Variants in RAB2A observed in about 807,000 individuals in gnomAD.
The protein encoded by RAB2A is ras-related protein Rab-2A.
RAB2A carries 7 observed loss-of-function variants against 32.5 expected under a neutral mutation model. The observed-to-expected ratio is 0.22, with a 90% CI of 0.12 to 0.40. RAB2A has a LOEUF of 0.40. RAB2A is among the 10% of genes least tolerant of loss of function. The probability of loss-of-function intolerance (pLI) is 1.00; values close to 1 mark genes in which losing one functional copy is unlikely to be tolerated. For synonymous variants in RAB2A, 79 were observed against 85.2 expected (o/e 0.93, Z 0.40); for missense variants, 108 against 260.7 (o/e 0.41, Z 4.03).
chr8:60,575,197 C>G (rs1808254097), intron 3 of RAB2A, among the ~76,000 whole-genome samples: 1 of 150,700 alleles, frequency 6.6e-6, no homozygotes, highest in African/African-American at 2.5e-5. Context: ...CGCCTGGCCT[C>G]AAGCAATCCT....
At chr8:60,536,549 A>G (rs1326793781) in intron 1 of RAB2A, among the ~76,000 whole-genome samples, 1 of 152,236 alleles carries the variant, frequency 6.6e-6, no homozygotes, top group Admixed American at 6.5e-5. Flanking sequence ...AAGGATTAGT[A>G]AAATGGTCAG....
chr8:60,517,374 C>T (rs993406125), intron 1 of RAB2A, 121 bp downstream of exon 1: 20 of 965,488 alleles, frequency 2.1e-5, no homozygotes, highest in Non-Finnish European at 2.8e-5. Flanking sequence ...CCTGGCCGCG[C>T]CGCTCCATTT....
chr8:60,543,914 T>G (rs1043072413), intron 1 of RAB2A, among the ~76,000 whole-genome samples: 1 of 151,482 alleles, frequency 6.6e-6, no homozygotes, highest in South Asian at 2.1e-4. Context: ...ATACGAAAAT[T>G]AGCCAGTCAT....
chr8:60,603,934 TAGAC>T lies in RAB2A; in HGVS notation c.474+11973_474+11976del, dbSNP rs540196911. Among the ~76,000 whole-genome samples, 448 of 152,256 alleles carry T rather than the reference TAGAC, an allele frequency of 2.9e-3. 1 individual carries two copies. The highest frequency in any genetic ancestry group is 3.7e-3 in the Non-Finnish European group (255 of 68,010). ...AGAAAGAAAATAGATGCTTGATTGATAGACAGACAGATAGGGTTTGGATCTGTGT... is the reference window on the plus strand; with the variant it reads ...AGAAAGAAAATAGATGCTTGATTGATAGACAGATAGGGTTTGGATCTGTGT... On this transcript the variant is annotated intron_variant, in intron 6 of 7. Transcript: ENST00000262646.
chr8:60,550,948 G>A (rs1187749132), intron 1 of RAB2A, among the ~76,000 whole-genome samples: 1 of 152,086 alleles, frequency 6.6e-6, no homozygotes, highest in Non-Finnish European at 1.5e-5. Flanking sequence ...TCTCTAAAAT[G>A]TGCCACCTTA....
At chr8:60,562,228 A>G (rs1227829723) in intron 2 of RAB2A, among the ~76,000 whole-genome samples, 1 of 152,216 alleles carries the variant, frequency 6.6e-6, no homozygotes, top group Admixed American at 6.5e-5. Flanking sequence ...ACAGGAAAGG[A>G]ACAAGTACTG....
At chr8:60,542,324 G>A (rs1053610720) in intron 1 of RAB2A, among the ~76,000 whole-genome samples, 2 of 152,130 alleles carry the variant, frequency 1.3e-5, no homozygotes, top group Non-Finnish European at 2.9e-5. Context: ...GACCATTGTG[G>A]CTAACACGGT....
At chr8:60,548,545 C>T (rs1489154649) in intron 1 of RAB2A, among the ~76,000 whole-genome samples, 3 of 119,040 alleles carry the variant, frequency 2.5e-5, no homozygotes, top group African/African-American at 1.1e-4. Context: ...CCGGACGGGG[C>T]GGCTGGCCGG....
chr8:60,569,713 A>G (rs755723301), intron 2 of RAB2A, among the ~76,000 whole-genome samples: 16 of 152,022 alleles, frequency 1.1e-4, no homozygotes, highest in Admixed American at 2.0e-4. Flanking sequence ...GGGTCTCCCT[A>G]CGTTGTCCAG....
intron 1 of RAB2A, among the ~76,000 whole-genome samples, chr8:60,549,696 G>A (rs981969447): frequency 6.6e-6 from 1 of 151,900 alleles, no homozygotes; most frequent in African/African-American, 2.4e-5. Context: ...TTTCAAATTG[G>A]GTTTTTATCA....
intron 6 of RAB2A, among the ~76,000 whole-genome samples, chr8:60,606,782 A>G (rs566433357): frequency 2.0e-5 from 3 of 152,364 alleles, no homozygotes; most frequent in South Asian, 2.1e-4. Context: ...AGCTGCAGCT[A>G]GAGCTGGAGT....
intron 2 of RAB2A, among the ~76,000 whole-genome samples, chr8:60,566,654 A>C (rs551548080): frequency 6.6e-6 from 1 of 152,154 alleles, no homozygotes; most frequent in Non-Finnish European, 1.5e-5. Context: ...CATGTTTGTT[A>C]CATGAGTATA....
chr8:60,520,296 A>T (rs938689735), intron 1 of RAB2A, among the ~76,000 whole-genome samples: 1 of 152,214 alleles, frequency 6.6e-6, no homozygotes, highest in Non-Finnish European at 1.5e-5. Flanking sequence ...TGTAGCTTTA[A>T]ATTTTTTCCT....
At position 60,611,194 on chromosome 8, in the gene RAB2A, C is replaced by T. The variant is rs138548192; in HGVS notation, c.475-7386C>T. On this transcript the variant is annotated intron_variant, in intron 6 of 7. Transcript: ENST00000262646. Reference sequence around the variant, plus strand: ...TCCTCAGTCTCCCTGTGGCCAGTATCGCCCCCTTGTGATTCATTCTCTAAA... The same window carrying T: ...TCCTCAGTCTCCCTGTGGCCAGTATTGCCCCCTTGTGATTCATTCTCTAAA... Among the ~76,000 whole-genome samples, 5 of 152,302 alleles carry T rather than the reference C, an allele frequency of 3.3e-5. No individual in the cohort carries two copies. In the East Asian group the frequency reaches 7.7e-4, roughly 24 times the overall value.
At chr8:60,576,063 A>T (rs1336961619) in intron 3 of RAB2A, among the ~76,000 whole-genome samples, 1 of 152,226 alleles carries the variant, frequency 6.6e-6, no homozygotes, top group Non-Finnish European at 1.5e-5. Context: ...AATAGCTGCT[A>T]GCAGATACTC....
At chr8:60,547,662 C>G (rs1454801769) in intron 1 of RAB2A, among the ~76,000 whole-genome samples, 1 of 121,378 alleles carries the variant, frequency 8.2e-6, no homozygotes, top group Admixed American at 8.3e-5. Flanking sequence ...GGCTGACCCC[C>G]CCACCTCCCT....
chr8:60,568,214 A>T (rs759005950), intron 2 of RAB2A, among the ~76,000 whole-genome samples: 1 of 152,162 alleles, frequency 6.6e-6, no homozygotes, highest in Non-Finnish European at 1.5e-5. Flanking sequence ...CACCCCACCT[A>T]GTACCTCAGC....
At chr8:60,611,599 C>T (rs528224629) in intron 6 of RAB2A, among the ~76,000 whole-genome samples, 6 of 152,318 alleles carry the variant, frequency 3.9e-5, no homozygotes, top group African/African-American at 1.4e-4. Context: ...TGGTACAAAT[C>T]AAGCACTCAG....
Position 60,601,024 on chromosome 8 carries a change from CTG to C in RAB2A, c.474+9059_474+9060del, listed in dbSNP as rs138676495. ...AACAAAAAGTTTAATCAAAAAATAA[CTG>C]TGTACATCCAACTTAAACTGATTGA... On this transcript the variant is annotated intron_variant, in intron 6 of 7. Transcript: ENST00000262646. 7.5e-3 allele frequency among the ~76,000 whole-genome samples: 1,138 copies of C among 152,296 alleles called. 14 individuals carry two copies. The highest frequency in any genetic ancestry group is 0.026 in the African/African-American group (1,070 of 41,560).
Sources: gnomAD v4.1 joint callset for allele counts (sites outside exome capture counted in the v4.1 genomes callset) on GRCh38, gnomAD v4.1.1 for gene constraint, MANE v1.5 for transcripts, NCBI Gene and HGNC (gene_info 2026-07-23, HGNC 2026-07-21) for gene names.